GPM6B: variants seen among roughly 807,000 people sequenced by gnomAD.
The protein encoded by GPM6B is neuronal membrane glycoprotein M6-b.
GPM6B carries 4 observed loss-of-function variants against 27.2 expected under a neutral mutation model. The observed-to-expected ratio is 0.15, with a 90% confidence interval of 0.07 to 0.34. The LOEUF (loss-of-function observed/expected upper bound fraction) is 0.34, where lower values mean the gene tolerates loss of function less well. Among genes scored for constraint, GPM6B ranks in the 10% least tolerant of loss-of-function variants. GPM6B has a pLI of 1.00. For missense variants in GPM6B, 183 were observed against 261.9 expected, an observed-to-expected ratio of 0.70 and a Z score of 2.08; for synonymous variants, 124 against 103.1, an observed-to-expected ratio of 1.20 and a Z score of -1.23.
At chrX:13,810,037 T>A (rs72614518) in intron 1 of GPM6B, among the ~76,000 whole-genome samples, 11,964 of 108,011 alleles carry the variant, frequency 0.11, 1,143 homozygotes, top group African/African-American at 0.29. Context: ...AGAATCACTT[T>A]AACCTGGGAG....
chrX:13,918,427 T>C (rs1191200937), intron 1 of GPM6B, among the ~76,000 whole-genome samples: 5 of 112,617 alleles, frequency 4.4e-5, no homozygotes, highest in Non-Finnish European at 9.4e-5. Flanking sequence ...TAGCTGACTA[T>C]GACAATCACA....
At chrX:13,896,974 G>A (rs1355101411) in intron 1 of GPM6B, among the ~76,000 whole-genome samples, 1 of 112,410 alleles carries the variant, frequency 8.9e-6, no homozygotes, top group Non-Finnish European at 1.9e-5. Context: ...TGATGGTTCA[G>A]TTCATTAACT....
At chrX:13,934,489 G>A (rs55957916) in intron 1 of GPM6B, among the ~76,000 whole-genome samples, 40,148 of 110,572 alleles carry the variant, frequency 0.36, 5,833 homozygotes, top group Non-Finnish European at 0.46. Flanking sequence ...AGGAAAAGAG[G>A]TCAGGAGAAG....
intron 2 of GPM6B, among the ~76,000 whole-genome samples, chrX:13,792,609 A>C (rs1291842598): frequency 8.9e-6 from 1 of 111,941 alleles, no homozygotes; most frequent in Non-Finnish European, 1.9e-5. Context: ...TAAACCAAAA[A>C]TAAAACTCTG....
At chrX:13,838,658 G>T (rs980199457) in intron 1 of GPM6B, among the ~76,000 whole-genome samples, 1 of 112,136 alleles carries the variant, frequency 8.9e-6, no homozygotes, top group Non-Finnish European at 1.9e-5. Context: ...TGGGGGCTGA[G>T]CTAGGCTCTG....
intron 1 of GPM6B, among the ~76,000 whole-genome samples, chrX:13,933,580 G>A (rs181411686): frequency 2.7e-3 from 300 of 112,275 alleles, no homozygotes; most frequent in Non-Finnish European, 4.6e-3. Context: ...AACTTAATTC[G>A]ATATTACATA....
intron 1 of GPM6B, among the ~76,000 whole-genome samples, chrX:13,910,570 T>C (rs1376072530): frequency 8.8e-6 from 1 of 113,192 alleles, no homozygotes; most frequent in Non-Finnish European, 1.9e-5. Context: ...AACAAGACAC[T>C]GGCCCTTGTG....
chrX:13,839,140 A>C lies in GPM6B; in HGVS notation c.-197-53332T>G, dbSNP rs751148384. ...CTGGAAGCTTCATCTATATAAGAAG[A>C]ACCTTGGCTTCCACAACCCCCCTTA... On this transcript the variant is annotated intron_variant, in intron 1 of 6. Transcript: ENST00000398361. Among the ~76,000 whole-genome samples, 60 of 111,578 alleles carry C rather than the reference A, an allele frequency of 5.4e-4. 1 individual carries two copies. Among genetic ancestry groups the C allele is most frequent in the Admixed American group, 5.1e-3 (54 of 10,587 alleles).
rs141991416 is a variant in GPM6B, at chrX:13,931,880, G to C, written c.-198+6447C>G. 2.0e-3 allele frequency among the ~76,000 whole-genome samples: 221 copies of C among 111,697 alleles called. 1 individual carries two copies. Among genetic ancestry groups the C allele is most frequent in the African/African-American group, 7.0e-3 (214 of 30,737 alleles). On this transcript the variant is annotated intron_variant, in intron 1 of 6. Coordinates refer to the GPM6B transcript ENST00000398361. ...GCTCACTCCTACCTCTCTTTCATGG[G>C]TTATCCTAATCCCTTCCACCCTTCT...
rs761090657 is a variant in GPM6B at position 13,875,643 on chromosome X, G to C, written c.-198+62684C>G. ...CCAAATGCCCATCAACTGAGGAATG[G>C]ATACATGAAATGTGATCTATCTGTA... On this transcript the variant is annotated intron_variant, in intron 1 of 6. Transcript: ENST00000398361. 2.7e-5 allele frequency among the ~76,000 whole-genome samples: 3 copies of C among 112,114 alleles called. No individual in the cohort carries two copies. In the East Asian group the frequency reaches 8.4e-4, roughly 31 times the overall value.
chrX:13,851,163 C>CAAA (rs10652819), intron 1 of GPM6B, among the ~76,000 whole-genome samples: 1,700 of 59,671 alleles, frequency 0.028, 34 homozygotes, highest in Middle Eastern at 0.067. Flanking sequence ...ACTCCATCTC[C>CAAA]AAAAAAAAAA....
intron 1 of GPM6B, among the ~76,000 whole-genome samples, chrX:13,872,056 G>C (rs1296541530): frequency 9.0e-6 from 1 of 111,118 alleles, no homozygotes; most frequent in African/African-American, 3.3e-5. Context: ...GCAGCCTTTA[G>C]GCAAGACCCT....
At chrX:13,789,259 T>A (rs993139575) in intron 2 of GPM6B, among the ~76,000 whole-genome samples, 24 of 112,162 alleles carry the variant, frequency 2.1e-4, no homozygotes, top group Admixed American at 2.1e-3. Context: ...TATGTCAGTA[T>A]AGAAGCCACC....
At chrX:13,915,108 A>AAATAC (rs1177732930) in intron 1 of GPM6B, among the ~76,000 whole-genome samples, 1 of 109,560 alleles carries the variant, frequency 9.1e-6, no homozygotes, top group Non-Finnish European at 1.9e-5. Flanking sequence ...TCTCTACCAG[A>AAATAC]AATACAAAAA....
At chrX:13,858,092 G>C (rs1253599100) in intron 1 of GPM6B, among the ~76,000 whole-genome samples, 2 of 112,237 alleles carry the variant, frequency 1.8e-5, no homozygotes, top group Non-Finnish European at 3.8e-5. Context: ...GTTTACTGAA[G>C]GTCTGAAAAG....
Position 13,816,993 on chromosome X carries a change from C to A in GPM6B, c.-89G>T, listed in dbSNP as rs1044060243. ...CCTTTTCTTTTGGACTCCCCTCCGT[C>A]TCTTATTTACACCCGTCTGATTGAG... is the stretch of plus-strand genomic sequence containing the variant. On this transcript the variant is annotated 5_prime_UTR_variant, in exon 1 of 8. Coordinates refer to ENST00000316715, the MANE Select transcript of GPM6B (RefSeq NM_001001995.3). 1.2e-4 allele frequency: 141 copies of A among 1,143,064 alleles called. 1 individual carries two copies. The East Asian group carries it at 4.3e-3, about 35-fold the overall frequency. 94.2% of individuals were successfully genotyped at this position (1,143,064 alleles called of 1,213,427 possible).
chrX:13,896,578 C>T (rs7885564), intron 1 of GPM6B, among the ~76,000 whole-genome samples: 24,298 of 109,130 alleles, frequency 0.22, 2,308 homozygotes, highest in African/African-American at 0.35. Context: ...TCTTTTTTTT[C>T]AAATTGAGAC....
At position 13,832,344 on chromosome X, in the gene GPM6B, C is replaced by T. The variant is rs529507262; in HGVS notation, c.-197-46536G>A. Among the ~76,000 whole-genome samples the T allele has an allele frequency of 9.8e-5, 11 of 112,402 alleles. No homozygotes were observed. In the South Asian group the frequency reaches 4.1e-3, roughly 42 times the overall value. On this transcript the variant is annotated intron_variant, in intron 1 of 6. Transcript: ENST00000398361. ...CAGAAGAACGTGACTATCCAACACG[C>T]AGTTAGACAAAATATTTGAAATTTA...
At chrX:13,869,141 G>C (rs546704458) in intron 1 of GPM6B, among the ~76,000 whole-genome samples, 2 of 112,207 alleles carry the variant, frequency 1.8e-5, no homozygotes, top group African/African-American at 6.5e-5. Context: ...ATGTTATTGG[G>C]CCACAAATAG....
Sources: gnomAD v4.1 joint callset for allele counts (sites outside exome capture counted in the v4.1 genomes callset) on GRCh38, gnomAD v4.1.1 for gene constraint, MANE v1.5 for transcripts, NCBI Gene and HGNC (gene_info 2026-07-23, HGNC 2026-07-21) for gene names.